Variants in LILRB1 observed in about 807,000 individuals in gnomAD.
LILRB1 encodes the protein leukocyte immunoglobulin like receptor B1, also known as leukocyte immunoglobulin-like receptor subfamily B member 1.
A neutral mutation model predicts 74.6 loss-of-function variants in LILRB1; 59 were observed. The observed-to-expected ratio is 0.79, with a 90% CI of 0.64 to 0.98. The LOEUF (loss-of-function observed/expected upper bound fraction) is 0.98. Ranked by LOEUF, LILRB1 falls within the 50% of genes least tolerant of loss-of-function variation. The pLI, the probability that LILRB1 is intolerant of heterozygous loss-of-function variation, is 0.00. For synonymous variants in LILRB1, 328 were observed against 333.9 expected, an observed-to-expected ratio of 0.98 and a Z score of 0.19; for missense variants, 804 against 822.6, an observed-to-expected ratio of 0.98 and a Z score of 0.28.
chr19:54,634,136 T>C (rs2098953), intron 9 of LILRB1, 115 bp downstream of exon 9: 92,603 of 1,521,580 alleles, frequency 0.061, 6,301 homozygotes, highest in African/African-American at 0.34. Context: ...CCTCCCCTGC[T>C]TGGGCCTCAG....
upstream of LILRB1, among the ~76,000 whole-genome samples, chr19:54,629,871 T>C (rs2063712221): frequency 6.6e-6 from 1 of 152,252 alleles, no homozygotes. Context: ...ATGACATTGA[T>C]GCTCTGGGTA....
At chr19:54,636,345 G>A in intron 13 of LILRB1, 149 bp from the exon 14 acceptor site, 1 of 1,437,376 alleles carries the variant, frequency 7.0e-7, no homozygotes, top group Non-Finnish European at 9.3e-7. Flanking sequence ...CCACAGCGAG[G>A]GAGCGGCCAG....
intron 12 of LILRB1, 43 bp downstream of exon 12, chr19:54,635,339 G>A: frequency 6.2e-7 from 1 of 1,610,348 alleles, no homozygotes; most frequent in Non-Finnish European, 8.5e-7. Flanking sequence ...GGAGATGGGG[G>A]CCCCGAAGTT....
In LILRB1 at chr19:54,631,996, T is replaced by C. The variant is rs199829008; in HGVS notation, c.420T>C (p.Asn140=). Residue 140 remains asparagine (N), a synonymous_variant, in exon 5 of 15, where the codon AAT becomes AAC. Transcript: ENST00000324602. ...QPSPVVNSGG[N]VTLQCDSQVA... ...GCCCCGTGGTGAACTCAGGAGGGAA[T>C]GTAACCCTCCAGTGTGACTCACAGG... 3.6e-4 allele frequency: 585 copies of C among 1,614,132 alleles called. 5 individuals are homozygous for C. The Middle Eastern group carries it at 7.1e-3, about 20-fold the overall frequency.
At chr19:54,631,479 T>C (rs3843752) in intron 3 of LILRB1, 21 bp from the exon 4 acceptor site, 1,049,115 of 1,596,664 alleles carry the variant, frequency 0.66, 350,342 homozygotes, top group South Asian at 0.7. Flanking sequence ...AGTTAGAATC[T>C]GACTCCTGAT....
chr19:54,616,874 T>A (rs2063323206), upstream of LILRB1, among the ~76,000 whole-genome samples: 1 of 152,150 alleles, frequency 6.6e-6, no homozygotes, highest in Non-Finnish European at 1.5e-5. Flanking sequence ...TGTGGGAATG[T>A]CTGGGGGTGG....
At position 54,633,894 on chromosome 19, in the gene LILRB1, C is replaced by A. The variant is rs1477704506; in HGVS notation, c.1313-77C>A. Reference sequence around the variant, plus strand: ...TCAAGGCAGAGAGAAATGTTGGGGCCCAGCCTGGGGGAGGAGCAGCCGGGC... The same window carrying A: ...TCAAGGCAGAGAGAAATGTTGGGGCACAGCCTGGGGGAGGAGCAGCCGGGC... On this transcript the variant is annotated intron_variant, in intron 8 of 14. Coordinates refer to ENST00000324602, the MANE Select transcript of LILRB1 (RefSeq NM_001081637.3). 4 of 1,533,646 alleles carry A rather than the reference C, an allele frequency of 2.6e-6. No individual in the cohort carries two copies. In the African/African-American group the frequency reaches 5.5e-5, roughly 21 times the overall value.
Position 54,631,116 on chromosome 19 carries a change from T to C in LILRB1, c.34+9T>C. 6.2e-7 allele frequency: 1 copy of C among 1,614,080 alleles called. No homozygotes were observed. The highest frequency in any genetic ancestry group is 8.5e-7 in the Non-Finnish European group (1 of 1,179,972). On this transcript the variant is annotated intron_variant, in intron 2 of 14. Transcript: ENST00000324602. ...GGTCCTGATCTGTCTCGGTGAGATT[T>C]GAAGAAGGAGGGGAGCTTCTAACCT... is the stretch of plus-strand genomic sequence containing the variant.
chr19:54,633,232 C>G lies in LILRB1; in HGVS notation c.1175C>G (p.Ala392Gly). 2 of 1,614,166 alleles carry G rather than the reference C, an allele frequency of 1.2e-6. No individual in the cohort carries two copies. Among genetic ancestry groups the G allele is most frequent in the Non-Finnish European group, 1.7e-6 (2 of 1,180,020 alleles). Residue 392 changes from alanine (A) to glycine (G), a missense_variant, in exon 7 of 15, where the codon GCG (alanine) becomes GGG (glycine). Transcript: ENST00000324602. ...ATGGGTCCTGTGACCTCAGCCCATG[C>G]GGGGACCTACAGGTGCTACGGCTCA... The part of the protein sequence containing the change: ...FPMGPVTSAH[A>G]GTYRCYGSQS...
upstream of LILRB1, chr19:54,630,476 A>G (rs2063741750): frequency 2.5e-6 from 1 of 399,460 alleles, no homozygotes; most frequent in African/African-American, 2.1e-5. Context: ...TTTCTTCCCT[A>G]TTTCCCTGCA....
chr19:54,623,706 G>A (rs1225281708), intron 1 of LILRB1, among the ~76,000 whole-genome samples: 2 of 152,166 alleles, frequency 1.3e-5, no homozygotes, highest in African/African-American at 4.8e-5. Flanking sequence ...TCACTAGCAA[G>A]CCAGTGCGAT....
chr19:54,634,340 G>A, intron 9 of LILRB1: 1 of 1,541,752 alleles, frequency 6.5e-7, no homozygotes, highest in Non-Finnish European at 8.8e-7. Context: ...CATGGTTCAG[G>A]ACGGTCAGGC....
At position 54,635,304 on chromosome 19, in the gene LILRB1, A is replaced by G; in HGVS notation, c.1600+8A>G. 3 of 1,613,246 alleles carry G rather than the reference A, an allele frequency of 1.9e-6. No homozygotes were observed. Among genetic ancestry groups the G allele is most frequent in the Non-Finnish European group, 2.5e-6 (3 of 1,179,326 alleles). ...CCCAGGAAGAAAACCTCTGTGAGTG[A>G]GAGGAAGAGGTGACCAGCCAGGAGG... On this transcript the variant is annotated splice_region_variant and intron_variant, in intron 12 of 14. Coordinates refer to ENST00000324602, the MANE Select transcript of LILRB1 (RefSeq NM_001081637.3).
At chr19:54,626,101 T>C (rs1009593525), upstream of LILRB1, among the ~76,000 whole-genome samples, 1 of 152,252 alleles carries the variant, frequency 6.6e-6, no homozygotes, top group African/African-American at 2.4e-5. Flanking sequence ...ATTTACTCAC[T>C]ATTTTGGGTC....
intron 1 of LILRB1, among the ~76,000 whole-genome samples, chr19:54,619,259 AAG>A (rs1461457611): frequency 1.3e-5 from 2 of 152,126 alleles, no homozygotes; most frequent in Non-Finnish European, 2.9e-5. Context: ...TAGTTCAAGA[AAG>A]AGGGATATTT....
At chr19:54,635,905 G>C in intron 13 of LILRB1, 1 of 629,312 alleles carries the variant, frequency 1.6e-6, no homozygotes, top group Non-Finnish European at 3.0e-6. Context: ...GGTCCCCCAG[G>C]CTCCCCTTCA....
Position 54,632,791 on chromosome 19 carries a change from C to A in LILRB1, c.958+31C>A, listed in dbSNP as rs200702404. On this transcript the variant is annotated intron_variant, in intron 6 of 14. Transcript: ENST00000324602. ...GAGCCCAGCGGGTTCAGTCAGGGAC[C>A]CAGGCTCCGCACAGGCCCTGCCGGG... The A allele has an allele frequency of 1.7e-5, 27 of 1,611,154 alleles. No individual in the cohort carries two copies. The Admixed American group carries it at 3.3e-4, about 20-fold the overall frequency.
chr19:54,636,376 G>A (rs560722990), intron 13 of LILRB1, 118 bp from the exon 14 acceptor site: 197 of 1,532,584 alleles, frequency 1.3e-4, no homozygotes, highest in Middle Eastern at 7.3e-4. Context: ...GCCTTAGGGC[G>A]TCCCTGAGAT....
Position 54,632,673 on chromosome 19 carries a change from T to C in LILRB1, c.871T>C (p.Tyr291His), listed in dbSNP as rs753379737. 74 of 1,613,530 alleles carry C rather than the reference T, an allele frequency of 4.6e-5. No individual in the cohort carries two copies. Among genetic ancestry groups the C allele is most frequent in the African/African-American group, 4.0e-4 (30 of 75,036 alleles). The part of the protein sequence containing the change: ...NFTLGPVSRS[Y>H]GGQYRCYGAH... ...CACCCTGGGCCCTGTGAGCCGCTCCTACGGGGGCCAGTACAGATGCTACGG... is the reference window on the plus strand; with the variant it reads ...CACCCTGGGCCCTGTGAGCCGCTCCCACGGGGGCCAGTACAGATGCTACGG... The change falls in exon 6 of 15, where the codon TAC becomes CAC. Residue 291 changes from tyrosine (Y) to histidine (H), a missense_variant. Transcript: ENST00000324602.
Sources: allele counts gnomAD v4.1 joint callset (sites outside exome capture counted in the v4.1 genomes callset), GRCh38; gene constraint gnomAD v4.1.1; transcripts MANE v1.5; gene names NCBI Gene and HGNC (gene_info 2026-07-23, HGNC 2026-07-21).